Variants in AP1M2 observed in about 807,000 individuals in gnomAD.
AP1M2 encodes the protein AP-1 complex subunit mu-2.
Under a neutral mutation model 54.6 loss-of-function variants are expected in AP1M2, and 41 were observed. The ratio of observed to expected loss-of-function variants is 0.75; its 90% CI spans 0.59 to 0.97. The LOEUF is 0.97. AP1M2 is among the 50% of genes least tolerant of loss of function. The pLI is 0.00. For missense variants in AP1M2, 507 were observed against 561.2 expected, an observed-to-expected ratio of 0.90 and a Z score of 0.98; for synonymous variants, 219 against 215.9, an observed-to-expected ratio of 1.01 and a Z score of -0.13.
At chr19:10,583,752 C>T in intron 2 of AP1M2, 79 bp from the exon 3 acceptor site, 6 of 1,513,574 alleles carry the variant, frequency 4.0e-6, no homozygotes, top group Non-Finnish European at 5.4e-6. Context: ...CCACCCTGTC[C>T]CTTGCCACCA....
intron 3 of AP1M2, among the ~76,000 whole-genome samples, 164 bp from the exon 4 acceptor site, chr19:10,582,042 T>A (rs1269230670): frequency 6.6e-6 from 1 of 151,666 alleles, no homozygotes. Flanking sequence ...TATCTCGTTT[T>A]TTCTTTTTTC....
At chr19:10,576,445 G>A (rs1284765564) in intron 9 of AP1M2, among the ~76,000 whole-genome samples, 1 of 151,578 alleles carries the variant, frequency 6.6e-6, no homozygotes, top group African/African-American at 2.4e-5. Flanking sequence ...TGTATTTTTA[G>A]TAGAGATGGG....
intron 9 of AP1M2, among the ~76,000 whole-genome samples, chr19:10,576,687 C>A (rs1194226151): frequency 6.6e-6 from 1 of 151,898 alleles, no homozygotes; most frequent in African/African-American, 2.4e-5. Flanking sequence ...GTATGAGCCA[C>A]CATGTCTGGC....
At chr19:10,580,524 G>T (rs547420852) in intron 6 of AP1M2, among the ~76,000 whole-genome samples, 2 of 152,164 alleles carry the variant, frequency 1.3e-5, no homozygotes, top group South Asian at 2.1e-4. Context: ...TTAGCTGGGC[G>T]TGGTGGCTGG....
At chr19:10,585,263 G>GAAAGAAGAAAGAAA (rs1244854476) in intron 1 of AP1M2, among the ~76,000 whole-genome samples, 1 of 71,406 alleles carries the variant, frequency 1.4e-5, no homozygotes, top group African/African-American at 4.9e-5. Context: ...AAGGAAAGAA[G>GAAAGAAGAAAGAAA]GAAAGAAAGA....
rs543691231 is a variant in AP1M2 at position 10,580,212 on chromosome 19, C to T, written c.674-354G>A. Among the ~76,000 whole-genome samples, 16 of 152,198 alleles carry T rather than the reference C, an allele frequency of 1.1e-4. No homozygotes were observed. The East Asian group carries it at 1.7e-3, about 17-fold the overall frequency. On this transcript the variant is annotated intron_variant, in intron 6 of 11. Coordinates refer to ENST00000250244, the MANE Select transcript of AP1M2 (RefSeq NM_005498.5). ...GATTACAGGAATGTGCTACCACCCC[C>T]GGCTAATTTTGTATTTTTAGTAGAG...
intron 1 of AP1M2, among the ~76,000 whole-genome samples, chr19:10,585,290 A>AGAAGGAAGGAAG (rs1304086751): frequency 6.0e-5 from 5 of 82,716 alleles, no homozygotes; most frequent in South Asian, 3.6e-4. Context: ...AAAAAAAGAA[A>AGAAGGAAGGAAG]GAAAGAAAGA....
chr19:10,579,000 C>T, intron 7 of AP1M2, 37 bp from the exon 8 acceptor site: 1 of 1,291,440 alleles, frequency 7.7e-7, no homozygotes, highest in South Asian at 1.4e-5. Context: ...TTGGAGACTC[C>T]ATGTTGACTC....
At chr19:10,585,986 A>G (rs1917643185) in intron 1 of AP1M2, among the ~76,000 whole-genome samples, 1 of 152,044 alleles carries the variant, frequency 6.6e-6, no homozygotes, top group African/African-American at 2.4e-5. Flanking sequence ...ATAAAAATAA[A>G]AAATAGGCCG....
chr19:10,581,403 A>C lies in AP1M2; in HGVS notation c.547-11T>G. The C allele has an allele frequency of 6.2e-7, 1 of 1,608,704 alleles. No individual in the cohort carries two copies. Among genetic ancestry groups the C allele is most frequent in the Non-Finnish European group, 8.5e-7 (1 of 1,175,732 alleles). On this transcript the variant is annotated splice_polypyrimidine_tract_variant and intron_variant, in intron 5 of 11. Coordinates refer to ENST00000250244, the MANE Select transcript of AP1M2 (RefSeq NM_005498.5). ...GCCGTTGGCATTGACCTGAGGGAGG[A>C]CGTTGGGTATAGTTAGCAGGCATCA...
At chr19:10,574,725 G>A (rs1047426858) in intron 10 of AP1M2, among the ~76,000 whole-genome samples, 179 bp downstream of exon 10, 5 of 152,184 alleles carry the variant, frequency 3.3e-5, no homozygotes, top group African/African-American at 7.2e-5. Flanking sequence ...GGCACAGGCC[G>A]GGGGAGAGGG....
At chr19:10,576,016 G>A (rs1373311621) in intron 9 of AP1M2, among the ~76,000 whole-genome samples, 1 of 148,676 alleles carries the variant, frequency 6.7e-6, no homozygotes, top group Non-Finnish European at 1.5e-5. Context: ...CTCGTAATCT[G>A]CCCGCCTCAG....
At chr19:10,585,287 G>GAAAGAAAGAAAGAA (rs1568434722) in intron 1 of AP1M2, among the ~76,000 whole-genome samples, 2 of 47,364 alleles carry the variant, frequency 4.2e-5, no homozygotes, top group East Asian at 7.0e-4. Context: ...AAGAAAAAAA[G>GAAAGAAAGAAAGAA]AAAGAAAGAA....
intron 3 of AP1M2, 105 bp downstream of exon 3, chr19:10,583,501 A>G: frequency 1.2e-6 from 1 of 833,478 alleles, no homozygotes; most frequent in Admixed American, 2.4e-5. Context: ...AGACCCAGGG[A>G]GATCTGGGAA....
At chr19:10,575,481 T>C (rs1204316975) in intron 9 of AP1M2, among the ~76,000 whole-genome samples, 1 of 152,070 alleles carries the variant, frequency 6.6e-6, no homozygotes, top group Non-Finnish European at 1.5e-5. Context: ...CCAAGGGATG[T>C]GGGTCACCTC....
chr19:10,578,952 C>G lies in AP1M2; in HGVS notation c.828G>C (p.Leu276=), dbSNP rs927950527. ...SYRLSTQVKP[L]IWIESVIEKF... ...TCTCAATGACAGACTCAATCCAGATCAGTGGCTTGACCTGTGGGAAGAAGA... is the reference window on the plus strand; with the variant it reads ...TCTCAATGACAGACTCAATCCAGATGAGTGGCTTGACCTGTGGGAAGAAGA... The change falls in exon 8 of 12, where the codon CTG becomes CTC. Residue 276 remains leucine (L), a synonymous_variant. Coordinates refer to ENST00000250244, the MANE Select transcript of AP1M2 (RefSeq NM_005498.5). 2.5e-6 allele frequency: 4 copies of G among 1,605,390 alleles called. No individual in the cohort carries two copies. In the African/African-American group the frequency reaches 5.4e-5, roughly 22 times the overall value.
chr19:10,577,255 G>T lies in AP1M2; in HGVS notation c.990C>A (p.Gly330=). 3 of 1,613,168 alleles carry T rather than the reference G, an allele frequency of 1.9e-6. No homozygotes were observed. Among genetic ancestry groups the T allele is most frequent in the Non-Finnish European group, 2.5e-6 (3 of 1,179,648 alleles). ...ADSPRFKTSV[G]SAKYVPERNV... ...TTCTCTCCGGCACATACTTGGCGCT[G>T]CCCACACTGGTCTTGAATCTGGGGG... Residue 330 remains glycine, a synonymous_variant, in exon 9 of 12, where the codon GGC becomes GGA. Coordinates refer to ENST00000250244, the MANE Select transcript of AP1M2 (RefSeq NM_005498.5).
In AP1M2 at chr19:10,572,753, C is replaced by A. The variant is rs770085475; in HGVS notation, c.*313G>T. 25 of 307,012 alleles carry A rather than the reference C, an allele frequency of 8.1e-5. No homozygotes were observed. The highest frequency in any genetic ancestry group is 1.9e-3 in the Middle Eastern group (2 of 1,028). The allele number at this position is 307,012 out of a possible 1,614,324, so 19.0% of individuals were successfully genotyped here. On this transcript the variant is annotated 3_prime_UTR_variant, in exon 12 of 12. Transcript: ENST00000250244. ...GGGCTCAGCGGCTGTGAAGGAGGGA[C>A]CCGCAACACCCGCTAAGGCAGGTAA...
chr19:10,583,314 G>C (rs1396356960), intron 3 of AP1M2, among the ~76,000 whole-genome samples: 2 of 152,032 alleles, frequency 1.3e-5, no homozygotes, highest in South Asian at 4.1e-4. Context: ...GATGCAGAGT[G>C]ATGGGGCTTT....
Sources: gnomAD v4.1 joint callset for allele counts (sites outside exome capture counted in the v4.1 genomes callset) on GRCh38, gnomAD v4.1.1 for gene constraint, MANE v1.5 for transcripts, NCBI Gene and HGNC (gene_info 2026-07-23, HGNC 2026-07-21) for gene names.